MYO5B: variants seen among roughly 807,000 people sequenced by gnomAD.
MYO5B encodes unconventional myosin-Vb.
In MYO5B, 143 loss-of-function variants were observed where a neutral mutation model predicts 229.3. The ratio of observed to expected loss-of-function variants is 0.62; its 90% CI spans 0.54 to 0.72. The LOEUF is 0.72. MYO5B is among the 30% of genes least tolerant of loss of function. MYO5B has a pLI of 0.00. For synonymous variants in MYO5B, 918 were observed against 885.2 expected (o/e 1.04, Z -0.66); for missense variants, 2,321 against 2,331.0 (o/e 1.00, Z 0.09).
chr18:49,863,561 T>A (rs1251292799), intron 28 of MYO5B, among the ~76,000 whole-genome samples: 1 of 152,008 alleles, frequency 6.6e-6, no homozygotes. Flanking sequence ...TGGGGGAAGA[T>A]GGCCAGGAGG....
intron 8 of MYO5B, among the ~76,000 whole-genome samples, chr18:49,982,052 A>G (rs2025821408): frequency 6.6e-6 from 1 of 151,942 alleles, no homozygotes; most frequent in Admixed American, 6.6e-5. Context: ...AGAAGGATAT[A>G]CTCCCTAGAC....
intron 19 of MYO5B, among the ~76,000 whole-genome samples, chr18:49,905,034 T>C (rs2024884496): frequency 6.6e-6 from 1 of 152,246 alleles, no homozygotes; most frequent in South Asian, 2.1e-4. Flanking sequence ...GTGTTAGTTC[T>C]TTCCTTATGG....
At chr18:49,908,368 C>T (rs968282832) in intron 18 of MYO5B, among the ~76,000 whole-genome samples, 1 of 152,164 alleles carries the variant, frequency 6.6e-6, no homozygotes, top group Admixed American at 6.6e-5. Context: ...CTTTTGAGAA[C>T]CTTTCTCCAA....
At chr18:49,863,548 C>T (rs1417342244) in intron 28 of MYO5B, among the ~76,000 whole-genome samples, 21 of 152,078 alleles carry the variant, frequency 1.4e-4, no homozygotes, top group Middle Eastern at 6.3e-3. Context: ...GCATGTGGGG[C>T]GGTGGGGGAA....
intron 17 of MYO5B, 132 bp downstream of exon 17, chr18:49,929,380 T>G (rs1379861640): frequency 1.4e-6 from 1 of 707,872 alleles, no homozygotes; most frequent in Non-Finnish European, 2.4e-6. Context: ...GCATCCTGCT[T>G]GGGCCTCAAT....
intron 4 of MYO5B, among the ~76,000 whole-genome samples, chr18:50,002,972 A>G (rs372226955): frequency 1.3e-5 from 2 of 152,190 alleles, no homozygotes; most frequent in African/African-American, 4.8e-5. Flanking sequence ...GCTTATCAGC[A>G]CAGGGGAATG....
intron 3 of MYO5B, among the ~76,000 whole-genome samples, chr18:50,039,850 G>A (rs1002389011): frequency 6.6e-5 from 10 of 152,060 alleles, no homozygotes; most frequent in African/African-American, 2.4e-4. Context: ...GCTCAGACAC[G>A]ATGCTGTACT....
At chr18:50,120,031 A>T (rs1393551415) in intron 1 of MYO5B, among the ~76,000 whole-genome samples, 5 of 152,238 alleles carry the variant, frequency 3.3e-5, no homozygotes, top group South Asian at 2.1e-4. Context: ...ATACGGCACT[A>T]AAAAAGGCAT....
At chr18:49,863,143 C>A (rs751836975) in intron 29 of MYO5B, 84 bp downstream of exon 29, 4 of 1,036,722 alleles carry the variant, frequency 3.9e-6, no homozygotes, top group Non-Finnish European at 6.1e-6. Context: ...ATGGTCATCA[C>A]CTGAGGAAAA....
At chr18:50,013,019 C>G (rs1287622126) in intron 4 of MYO5B, among the ~76,000 whole-genome samples, 2 of 152,194 alleles carry the variant, frequency 1.3e-5, no homozygotes, top group African/African-American at 2.4e-5. Context: ...GCTGGCTGTA[C>G]TTATCTAAAG....
At chr18:50,181,457 A>C (rs2033072326) in intron 1 of MYO5B, among the ~76,000 whole-genome samples, 2 of 152,232 alleles carry the variant, frequency 1.3e-5, no homozygotes, top group African/African-American at 4.8e-5. Context: ...ATAGCAAGAT[A>C]GTCAGTGAGT....
intron 1 of MYO5B, among the ~76,000 whole-genome samples, chr18:50,193,765 G>A (rs1199488178): frequency 6.6e-6 from 1 of 152,252 alleles, no homozygotes; most frequent in Non-Finnish European, 1.5e-5. Context: ...TTTCTTAAAG[G>A]TGCATAGGGC....
In MYO5B at chr18:50,134,271, C is replaced by T. The variant is rs544199491; in HGVS notation, c.27+60496G>A. ...AGTGATTAAGGGATAAAAATAGCCG[C>T]GTGGCAGGGCTCGGTGGCTCACGCC... On this transcript the variant is annotated intron_variant, in intron 1 of 39. Coordinates refer to ENST00000285039, the MANE Select transcript of MYO5B (RefSeq NM_001080467.3). Among the ~76,000 whole-genome samples, 42 of 151,952 alleles carry T rather than the reference C, an allele frequency of 2.8e-4. 1 individual carries two copies. In the South Asian group the frequency reaches 7.3e-3, roughly 27 times the overall value.
At chr18:49,871,432 A>T (rs1319569623) in intron 27 of MYO5B, 1 of 154,296 alleles carries the variant, frequency 6.5e-6, no homozygotes, top group East Asian at 1.9e-4. Context: ...ATGATGGTAA[A>T]TTTTTTGTGT....
Position 49,980,430 on chromosome 18 carries a change from G to A in MYO5B, c.1056+14C>T. On this transcript the variant is annotated intron_variant, in intron 9 of 39. Coordinates refer to ENST00000285039, the MANE Select transcript of MYO5B (RefSeq NM_001080467.3). ...TTGTGTTCATTTTATCTCCGGTGTT[G>A]GTGTGCAACTTACTGATATACTACA... 1 of 1,546,556 alleles carries A rather than the reference G, an allele frequency of 6.5e-7. No individual in the cohort carries two copies. The highest frequency in any genetic ancestry group is 8.9e-7 in the Non-Finnish European group (1 of 1,118,478).
At chr18:49,863,083 G>A in intron 29 of MYO5B, 144 bp downstream of exon 29, 2 of 724,090 alleles carry the variant, frequency 2.8e-6, no homozygotes, top group South Asian at 3.0e-5. Context: ...CAGGGGTTCT[G>A]AGTCAGTCTT....
At chr18:49,902,923 G>A in intron 20 of MYO5B, 90 bp from the exon 21 acceptor site, 1 of 1,511,068 alleles carries the variant, frequency 6.6e-7, no homozygotes, top group Middle Eastern at 1.7e-4. Flanking sequence ...GAGGGAAGAG[G>A]CCAGGGCAGC....
chr18:50,093,219 C>G (rs1235258816), intron 1 of MYO5B, among the ~76,000 whole-genome samples: 1 of 148,276 alleles, frequency 6.7e-6, no homozygotes, highest in Non-Finnish European at 1.5e-5. Context: ...CACACACACA[C>G]ACACACAGAG....
chr18:50,015,343 G>A (rs1433109920), intron 4 of MYO5B, among the ~76,000 whole-genome samples: 1 of 152,060 alleles, frequency 6.6e-6, no homozygotes, highest in Non-Finnish European at 1.5e-5. Flanking sequence ...CCTTTGGCTG[G>A]GTAATGTAAT....
Sources: allele counts gnomAD v4.1 joint callset (sites outside exome capture counted in the v4.1 genomes callset), GRCh38; gene constraint gnomAD v4.1.1; transcripts MANE v1.5; gene names NCBI Gene and HGNC (gene_info 2026-07-23, HGNC 2026-07-21).